The following CARMIL1 variants were observed in gnomAD, a reference collection of about 807,000 sequenced individuals.
CARMIL1 encodes F-actin-uncapping protein LRRC16A.
CARMIL1 carries 90 observed loss-of-function variants against 177.1 expected under a neutral mutation model. The observed-to-expected ratio is 0.51, with a 90% CI of 0.43 to 0.61. The LOEUF is 0.61. Ranked by LOEUF, CARMIL1 falls within the 20% of genes least tolerant of loss-of-function variation. The probability of loss-of-function intolerance (pLI) is 0.00; values close to 1 mark genes in which losing one functional copy is unlikely to be tolerated. For missense variants in CARMIL1, 1,380 were observed against 1,667.0 expected (o/e 0.83, Z 3.00); for synonymous variants, 577 against 606.2 (o/e 0.95, Z 0.71).
intron 2 of CARMIL1, chr6:25,389,258 A>G (rs769252602): frequency 6.6e-6 from 1 of 152,198 alleles, no homozygotes; most frequent in Non-Finnish European, 1.5e-5. Flanking sequence ...CTTCAAAAGA[A>G]TCTTTCAGCT....
At chr6:25,448,296 G>A (rs1213618505) in intron 5 of CARMIL1, among the ~76,000 whole-genome samples, 2 of 152,086 alleles carry the variant, frequency 1.3e-5, no homozygotes, top group South Asian at 4.2e-4. Context: ...GACCTGTGAG[G>A]CGCACCATGG....
intron 31 of CARMIL1, 144 bp downstream of exon 31, chr6:25,581,583 G>C: frequency 2.9e-6 from 2 of 693,290 alleles, no homozygotes; most frequent in Admixed American, 6.4e-5. Context: ...GATATACAAA[G>C]TATCTCAACT....
Position 25,279,525 on chromosome 6 carries a change from ATCCGG to A in CARMIL1, c.-266_-262del. The A allele has an allele frequency of 1.9e-6, 1 of 538,920 alleles. No individual in the cohort carries two copies. The highest frequency in any genetic ancestry group is 1.9e-5 in the African/African-American group (1 of 52,362). 33.4% of individuals were successfully genotyped at this position (538,920 alleles called of 1,614,324 possible). A position where few individuals can be genotyped will look rare whatever the true frequency, so the allele number is the denominator to read the frequency against. ...GCCCCGCGCCCCGCGCCCGCTTGTAATCCGGTCCGCTCCTTATTCAGCCGCCGGGA... is the reference window on the plus strand; with the variant it reads ...GCCCCGCGCCCCGCGCCCGCTTGTAATCCGCTCCTTATTCAGCCGCCGGGA... On this transcript the variant is annotated 5_prime_UTR_variant, in exon 1 of 37. Coordinates refer to ENST00000329474, the MANE Select transcript of CARMIL1 (RefSeq NM_017640.6).
At chr6:25,520,067 T>A (rs777796222) in intron 22 of CARMIL1, among the ~76,000 whole-genome samples, 177 bp from the exon 23 acceptor site, 2 of 152,234 alleles carry the variant, frequency 1.3e-5, no homozygotes, top group Non-Finnish European at 2.9e-5. Flanking sequence ...CTGTGGTATT[T>A]GCACATGTGG....
At chr6:25,359,147 C>T (rs1788931876) in intron 2 of CARMIL1, among the ~76,000 whole-genome samples, 1 of 152,126 alleles carries the variant, frequency 6.6e-6, no homozygotes. Context: ...TCTTGGCTTT[C>T]TCTGTTGGGC....
chr6:25,445,228 G>C (rs1798114896), intron 5 of CARMIL1, among the ~76,000 whole-genome samples: 1 of 152,134 alleles, frequency 6.6e-6, no homozygotes, highest in Non-Finnish European at 1.5e-5. Flanking sequence ...TTTTTTCGTG[G>C]ATTACAACAA....
chr6:25,612,817 A>G (rs1475251372), intron 36 of CARMIL1: 1 of 985,240 alleles, frequency 1.0e-6, no homozygotes, highest in African/African-American at 1.7e-5. Flanking sequence ...AAGATCTTCA[A>G]AACTGTACTC....
intron 2 of CARMIL1, among the ~76,000 whole-genome samples, chr6:25,398,776 C>G (rs1030836005): frequency 3.9e-5 from 6 of 152,158 alleles, no homozygotes; most frequent in Non-Finnish European, 8.8e-5. Flanking sequence ...ATATGAGCCC[C>G]AAGAGCTGGT....
At chr6:25,528,695 C>T (rs1444732745) in intron 23 of CARMIL1, 100 bp from the exon 24 acceptor site, 4 of 841,408 alleles carry the variant, frequency 4.8e-6, no homozygotes, top group Non-Finnish European at 7.9e-6. Context: ...TGTATATTCA[C>T]GCTTCGGTTT....
intron 2 of CARMIL1, among the ~76,000 whole-genome samples, chr6:25,317,273 G>A (rs1784349501): frequency 6.6e-6 from 1 of 152,016 alleles, no homozygotes; most frequent in Non-Finnish European, 1.5e-5. Context: ...TGGGACTATA[G>A]GTGTGCATTA....
chr6:25,407,237 CAGTT>C (rs1794459407), intron 2 of CARMIL1, among the ~76,000 whole-genome samples: 1 of 152,062 alleles, frequency 6.6e-6, no homozygotes, highest in Admixed American at 6.5e-5. Flanking sequence ...AGGGTAGAGA[CAGTT>C]AGAGGGGACC....
intron 2 of CARMIL1, among the ~76,000 whole-genome samples, chr6:25,343,956 G>T (rs1288138962): frequency 1.3e-5 from 2 of 152,044 alleles, no homozygotes; most frequent in Non-Finnish European, 2.9e-5. Context: ...TCAGGTCTCT[G>T]CATGGCCCAC....
chr6:25,603,986 CA>C (rs2151315556), intron 33 of CARMIL1, among the ~76,000 whole-genome samples: 1 of 152,272 alleles, frequency 6.6e-6, no homozygotes, highest in East Asian at 1.9e-4. Flanking sequence ...GGTTCTACCT[CA>C]AAGCAAGGAA....
chr6:25,390,320 A>ATATATATATATATATATATATATTTTTTT (rs1554184839), intron 2 of CARMIL1, among the ~76,000 whole-genome samples: 3 of 58,102 alleles, frequency 5.2e-5, no homozygotes, highest in Non-Finnish European at 1.0e-4. Context: ...ATATATATAT[A>ATATATATATATATATATATATATTTTTTT]TTTTTTTTTT....
At chr6:25,284,019 G>A (rs578256695) in intron 1 of CARMIL1, among the ~76,000 whole-genome samples, 16 of 151,908 alleles carry the variant, frequency 1.1e-4, no homozygotes, top group Non-Finnish European at 1.3e-4. Context: ...TGCCCAGCCC[G>A]GTTCTGTTCT....
At chr6:25,601,245 CA>C in intron 33 of CARMIL1, among the ~76,000 whole-genome samples, 1 of 152,296 alleles carries the variant, frequency 6.6e-6, no homozygotes, top group South Asian at 2.1e-4. Flanking sequence ...AAGAAATGGC[CA>C]TGTTCTCACT....
intron 16 of CARMIL1, among the ~76,000 whole-genome samples, chr6:25,499,231 G>A (rs1312369290): frequency 6.6e-6 from 1 of 152,208 alleles, no homozygotes; most frequent in Non-Finnish European, 1.5e-5. Flanking sequence ...TGGAAAACAG[G>A]TAATCGCCCC....
At chr6:25,290,767 GA>G (rs1403118907) in intron 2 of CARMIL1, among the ~76,000 whole-genome samples, 6 of 152,092 alleles carry the variant, frequency 3.9e-5, no homozygotes, top group Non-Finnish European at 8.8e-5. Flanking sequence ...GTTTTCTTTT[GA>G]AAAGTTAATC....
chr6:25,378,247 C>G (rs1445286394), intron 2 of CARMIL1, among the ~76,000 whole-genome samples: 1 of 152,222 alleles, frequency 6.6e-6, no homozygotes, highest in Non-Finnish European at 1.5e-5. Flanking sequence ...CAGTGTACCA[C>G]TAGCAGCAGC....
Sources: allele counts gnomAD v4.1 joint callset (sites outside exome capture counted in the v4.1 genomes callset), GRCh38; gene constraint gnomAD v4.1.1; transcripts MANE v1.5; gene names NCBI Gene and HGNC (gene_info 2026-07-23, HGNC 2026-07-21).